Variants in PAK4 observed in about 807,000 individuals in gnomAD.
PAK4 encodes the protein serine/threonine-protein kinase PAK 4.
Under a neutral mutation model 53.5 loss-of-function variants are expected in PAK4, and 49 were observed. That is an observed-to-expected ratio of 0.92 (90% CI 0.73 to 1.16). PAK4 has a LOEUF of 1.16. PAK4 is among the 50% of genes most tolerant of loss of function. The pLI is 0.00. For missense variants in PAK4, 824 were observed against 850.7 expected (o/e 0.97, Z 0.39); for synonymous variants, 376 against 375.6 (o/e 1.00, Z -0.01).
chr19:39,147,705 G>C (rs376003933), intron 1 of PAK4, among the ~76,000 whole-genome samples: 4 of 152,058 alleles, frequency 2.6e-5, no homozygotes, highest in African/African-American at 9.6e-5. Context: ...ACTCATTGTG[G>C]CTTTAATTTG....
intron 1 of PAK4, among the ~76,000 whole-genome samples, chr19:39,153,915 T>C (rs569371080): frequency 2.9e-4 from 44 of 152,228 alleles, no homozygotes; most frequent in African/African-American, 1.1e-3. Flanking sequence ...CATCATATGC[T>C]TGCTTTTCTC....
chr19:39,139,353 G>A (rs1280902431), intron 1 of PAK4, among the ~76,000 whole-genome samples: 1 of 152,146 alleles, frequency 6.6e-6, no homozygotes, highest in Non-Finnish European at 1.5e-5. Context: ...CCTGAGCTGG[G>A]CCAGTGTCGG....
intron 1 of PAK4, among the ~76,000 whole-genome samples, chr19:39,149,832 G>C (rs947777713): frequency 1.4e-4 from 21 of 152,058 alleles, no homozygotes; most frequent in African/African-American, 4.1e-4. Flanking sequence ...CTCCAGCCCA[G>C]GCAACAGAGA....
chr19:39,136,066 C>A (rs1018437452), intron 1 of PAK4, among the ~76,000 whole-genome samples: 6 of 135,324 alleles, frequency 4.4e-5, no homozygotes, highest in Admixed American at 3.7e-4. Context: ...TCCTCGTCAC[C>A]CTTCTTCCTT....
rs759547578 is a variant in PAK4 at position 39,173,929 on chromosome 19, C to T, written c.1017C>T (p.Thr339=). The T allele has an allele frequency of 1.1e-5, 17 of 1,611,464 alleles. No homozygotes were observed. Among genetic ancestry groups the T allele is most frequent in the South Asian group, 3.3e-5 (3 of 90,914 alleles). Residue 339 remains threonine (T), a synonymous_variant, in exon 4 of 9, where the codon ACC becomes ACT. Coordinates refer to ENST00000358301, the Ensembl canonical transcript of PAK4. The surrounding 1 kb of genome is among the most constrained non-coding windows in gnomAD (Gnocchi z 6.9). ...CCACGGGCATCGTGTGCATCGCCAC[C>T]GTGCGCAGCTCGGGCAAGCTGGTGG...
Position 39,175,485 on chromosome 19 carries a change from C to CA in PAK4, c.1359+47_1359+48insA. 1 of 1,547,804 alleles carries CA rather than the reference C, an allele frequency of 6.5e-7. No individual in the cohort carries two copies. Among genetic ancestry groups the CA allele is most frequent in the Non-Finnish European group, 8.8e-7 (1 of 1,140,054 alleles). ...TACGGGGGCGGCAGGTTTCCGGCTGCGGGGCTTCCCTGCCTCTTCCCATCC... is the reference window on the plus strand; with the variant it reads ...TACGGGGGCGGCAGGTTTCCGGCTGCAGGGGCTTCCCTGCCTCTTCCCATCC... On this transcript the variant is annotated intron_variant, in intron 6 of 8. Transcript: ENST00000358301. The surrounding 1 kb of genome is among the most constrained non-coding windows in gnomAD (Gnocchi z 4.7).
At chr19:39,177,849 C>T (rs573869737) in intron 8 of PAK4, 40 bp downstream of exon 9, 10 of 1,579,088 alleles carry the variant, frequency 6.3e-6, no homozygotes, top group South Asian at 2.3e-5. Context: ...CGCCAGCTGG[C>T]GGGTGGCAGG....
intron 1 of PAK4, among the ~76,000 whole-genome samples, chr19:39,167,073 C>T (rs1019018106): frequency 6.6e-6 from 1 of 152,226 alleles, no homozygotes; most frequent in Non-Finnish European, 1.5e-5. Context: ...GCTGGGCCAG[C>T]CGCCCGCCCT....
chr19:39,158,432 T>C (rs968777799), intron 1 of PAK4, among the ~76,000 whole-genome samples: 1 of 152,118 alleles, frequency 6.6e-6, no homozygotes, highest in Non-Finnish European at 1.5e-5. Context: ...AGGGCCTCTT[T>C]CCTGCCACAT....
intron 1 of PAK4, among the ~76,000 whole-genome samples, chr19:39,131,831 C>T (rs1199179877): frequency 6.6e-6 from 1 of 152,188 alleles, no homozygotes; most frequent in Non-Finnish European, 1.5e-5. Context: ...CTGGGAGCCC[C>T]TGGGGAAGAG....
At chr19:39,151,994 C>G (rs2074100365) in intron 1 of PAK4, 1 of 152,220 alleles carries the variant, frequency 6.6e-6, no homozygotes, top group Non-Finnish European at 1.5e-5. Flanking sequence ...GTCTCAAACT[C>G]CTGACCTCAA....
At position 39,134,380 on chromosome 19, in the gene PAK4, C is replaced by T. The variant is rs137903987; in HGVS notation, c.-23+8461C>T. 7.2e-5 allele frequency among the ~76,000 whole-genome samples: 11 copies of T among 152,356 alleles called. No homozygotes were observed. In the East Asian group the frequency reaches 2.1e-3, roughly 29 times the overall value. ...CATCACGACCACAGTCGTGAGTGCT[C>T]TCCTGACCTTGGTGGTCACTGTGTC... is the stretch of plus-strand genomic sequence containing the variant. On this transcript the variant is annotated intron_variant, in intron 1 of 8. Coordinates refer to ENST00000358301, the Ensembl canonical transcript of PAK4.
At chr19:39,174,033 G>A (rs201681923) in intron 4 of PAK4, 23 bp downstream of exon 5, 15 of 1,487,930 alleles carry the variant, frequency 1.0e-5, no homozygotes, top group South Asian at 6.3e-5. Context: ...CTGCCCTGCC[G>A]CCCTGCTGGT....
chr19:39,136,231 A>G (rs1054518956), intron 1 of PAK4, among the ~76,000 whole-genome samples: 1 of 140,318 alleles, frequency 7.1e-6, no homozygotes, highest in African/African-American at 2.7e-5. Flanking sequence ...CTTCTCCCCC[A>G]CTGTCCCCAC....
In PAK4 at chr19:39,161,018, G is replaced by A. The variant is rs1197079023; in HGVS notation, c.-22-8514G>A. On this transcript the variant is annotated intron_variant, in intron 1 of 8. Coordinates refer to ENST00000358301, the Ensembl canonical transcript of PAK4. This position sits in a 1 kb window ranked among gnomAD's most constrained non-coding sequence, Gnocchi z 4.5. ...CTGGCACTGGATAGCCCTGGGCAGT[G>A]AGTTCCCCTCTCGGCCTCAGTTTCC... 6.6e-6 allele frequency among the ~76,000 whole-genome samples: 1 copy of A among 152,218 alleles called. No homozygotes were observed. The highest frequency in any genetic ancestry group is 1.5e-5 in the Non-Finnish European group (1 of 68,030).
intron 1 of PAK4, among the ~76,000 whole-genome samples, chr19:39,157,265 T>C (rs983641426): frequency 6.6e-6 from 1 of 152,048 alleles, no homozygotes; most frequent in African/African-American, 2.4e-5. Flanking sequence ...GGGTTATTCC[T>C]AGGTGCGTGT....
chr19:39,176,480 C>A, intron 6 of PAK4, 110 bp from the exon 8 acceptor site: 1 of 1,448,364 alleles, frequency 6.9e-7, no homozygotes, highest in South Asian at 1.2e-5. Context: ...CAGCTCTGAC[C>A]TCTGGGCCGC....
rs369018322 is a variant in PAK4, at chr19:39,173,851, C to T, written c.939C>T (p.Asp313=). 1.2e-6 allele frequency: 2 copies of T among 1,612,468 alleles called. No individual in the cohort carries two copies. The highest frequency in any genetic ancestry group is 1.3e-5 in the African/African-American group (1 of 74,868). ...GGGCTGCCCTGCAGCTGGTGGTGGA[C>T]CCAGGCGACCCCCGCTCCTACCTGG... Residue 313 remains aspartate, a synonymous_variant, in exon 4 of 9, where the codon GAC becomes GAT. Coordinates refer to ENST00000358301, the Ensembl canonical transcript of PAK4. The surrounding 1 kb of genome is among the most constrained non-coding windows in gnomAD (Gnocchi z 6.9).
chr19:39,131,808 C>T (rs1039826116), intron 1 of PAK4, among the ~76,000 whole-genome samples: 4 of 152,182 alleles, frequency 2.6e-5, no homozygotes, highest in Non-Finnish European at 4.4e-5. Context: ...CATCCCTTAG[C>T]CTTTTTCACT....
Sources: allele counts gnomAD v4.1 joint callset (sites outside exome capture counted in the v4.1 genomes callset), GRCh38; gene constraint gnomAD v4.1.1; non-coding constraint Gnocchi (gnomAD v3.1); transcripts MANE v1.5; gene names NCBI Gene and HGNC (gene_info 2026-07-23, HGNC 2026-07-21).